Variants in C14orf39 observed in about 807,000 individuals in gnomAD.
C14orf39 encodes protein SIX6OS1.
In C14orf39, 66 loss-of-function variants were observed where a neutral mutation model predicts 85.6. The observed-to-expected ratio is 0.77, with a 90% CI of 0.63 to 0.95. The LOEUF is 0.95. Among genes scored for constraint, C14orf39 ranks in the 40% least tolerant of loss-of-function variants. C14orf39 has a pLI of 0.00. For missense variants in C14orf39, 735 were observed against 663.9 expected (o/e 1.11, Z -1.18); for synonymous variants, 242 against 214.0 (o/e 1.13, Z -1.14).
intron 2 of C14orf39, chr14:60,495,287 C>A: frequency 4.5e-6 from 1 of 220,900 alleles, no homozygotes; most frequent in South Asian, 7.9e-5. Flanking sequence ...GTCTCTGACC[C>A]TGGCTCATGG....
chr14:60,471,524 T>C, intron 6 of C14orf39, 28 bp downstream of exon 6: 2 of 1,571,884 alleles, frequency 1.3e-6, no homozygotes, highest in Non-Finnish European at 1.7e-6. Flanking sequence ...ATATCATAAT[T>C]AAAACAATAT....
At position 60,461,368 on chromosome 14, in the gene C14orf39, T is replaced by C. The variant is rs1320085398; in HGVS notation, c.1103A>G (p.Glu368Gly). The change falls in exon 13 of 18, where the codon GAA (glutamate) becomes GGA (glycine). Residue 368 changes from glutamate to glycine, a missense_variant. Glu to Gly is a moderately conservative substitution (Grantham distance 98, BLOSUM62 -2). Coordinates refer to ENST00000321731, the MANE Select transcript of C14orf39 (RefSeq NM_174978.3). ...ACGGCAAATACCTTTATCCCCTTTT[T>C]CCGACCACTGATTGGAATTTGATTG... is the stretch of plus-strand genomic sequence containing the variant. Reference protein sequence around the residue: ...QKQSNSNQWSEKGDKDAEYGD... With the variant: ...QKQSNSNQWSGKGDKDAEYGD... 2 of 1,611,026 alleles carry C rather than the reference T, an allele frequency of 1.2e-6. No individual in the cohort carries two copies. The highest frequency in any genetic ancestry group is 2.7e-5 in the African/African-American group (2 of 74,826).
chr14:60,493,519 G>T (rs1893023417), intron 2 of C14orf39, among the ~76,000 whole-genome samples: 1 of 152,114 alleles, frequency 6.6e-6, no homozygotes, highest in African/African-American at 2.4e-5. Context: ...CACTCTAGGG[G>T]TACAAAGTTT....
intron 16 of C14orf39, among the ~76,000 whole-genome samples, chr14:60,451,107 T>C (rs1891012845): frequency 6.6e-6 from 1 of 151,928 alleles, no homozygotes; most frequent in Non-Finnish European, 1.5e-5. Flanking sequence ...ACTCACCAAA[T>C]GAACTAGAAA....
chr14:60,436,978 T>C lies in C14orf39; in HGVS notation c.1631A>G (p.His544Arg), dbSNP rs752830710. 10 of 1,612,974 alleles carry C rather than the reference T, an allele frequency of 6.2e-6. No homozygotes were observed. The South Asian group carries it at 7.7e-5, about 12-fold the overall frequency. ...ATCATCTTTTCCAGCTCCAAATGTATGAGTTGAAGTGTCTGATGGAAAAGA... is the reference window on the plus strand; with the variant it reads ...ATCATCTTTTCCAGCTCCAAATGTACGAGTTGAAGTGTCTGATGGAAAAGA... ...TFSFPSDTST[H>R]TFGAGKDDFS... Residue 544 changes from histidine to arginine, a missense_variant, in exon 18 of 18, where the codon CAT becomes CGT. Transcript: ENST00000321731.
upstream of C14orf39, among the ~76,000 whole-genome samples, chr14:60,490,661 T>G (rs1892976793): frequency 6.6e-6 from 1 of 152,044 alleles, no homozygotes; most frequent in East Asian, 1.9e-4. Context: ...TTAAAAATGT[T>G]ACTGTGTAAC....
intron 5 of C14orf39, among the ~76,000 whole-genome samples, chr14:60,476,323 G>A (rs947445934): frequency 2.0e-5 from 3 of 152,102 alleles, no homozygotes; most frequent in African/African-American, 7.2e-5. Context: ...AGAAACTCTG[G>A]CAGAGCCTAG....
At chr14:60,475,084 T>C (rs1282668485) in intron 5 of C14orf39, among the ~76,000 whole-genome samples, 1 of 152,188 alleles carries the variant, frequency 6.6e-6, no homozygotes, top group Non-Finnish European at 1.5e-5. Context: ...CAGAGCCTGT[T>C]ATTGGTCTAT....
At position 60,509,252 on chromosome 14, in the gene C14orf39, T is replaced by C. The variant is rs551864637; in HGVS notation, c.-144+6143A>G. ...AGTCGGGGTCGTCCGCTCCCGGCCG[T>C]TGAGCCACCGCCGCCACCCGGTAGT... On this transcript the variant is annotated intron_variant, in intron 1 of 5. Coordinates refer to the C14orf39 transcript ENST00000556799. The C allele has an allele frequency of 1.5e-3, 1,093 of 714,570 alleles. 8 individuals are homozygous for C. In the African/African-American group the frequency reaches 0.016, roughly 11 times the overall value. The allele number at this position is 714,570 out of a possible 1,614,324, so 44.3% of individuals were successfully genotyped here. A position where few individuals can be genotyped will look rare whatever the true frequency, so the allele number is the denominator to read the frequency against.
At chr14:60,452,694 A>G (rs1891093104) in intron 16 of C14orf39, among the ~76,000 whole-genome samples, 1 of 152,130 alleles carries the variant, frequency 6.6e-6, no homozygotes, top group Non-Finnish European at 1.5e-5. Flanking sequence ...GAGGGGATGG[A>G]TACTCTCCCT....
chr14:60,488,732 T>G (rs117259969), upstream of C14orf39, among the ~76,000 whole-genome samples: 2,747 of 152,318 alleles, frequency 0.018, 45 homozygotes, highest in Non-Finnish European at 0.023. Context: ...ACCTTTTCAA[T>G]TTAACTACTA....
chr14:60,511,205 AC>A, intron 1 of C14orf39: 1 of 1,613,246 alleles, frequency 6.2e-7, no homozygotes, highest in Non-Finnish European at 8.5e-7. Flanking sequence ...CAAGGCGGCC[AC>A]TTCAGCCATC....
At chr14:60,500,020 C>A (rs558269190) in intron 1 of C14orf39, among the ~76,000 whole-genome samples, 2 of 152,086 alleles carry the variant, frequency 1.3e-5, no homozygotes, top group African/African-American at 4.8e-5. Flanking sequence ...GGGACTAGCA[C>A]TCCTTTTTTA....
intron 4 of C14orf39, among the ~76,000 whole-genome samples, chr14:60,480,342 A>C (rs2140151869): frequency 6.6e-6 from 1 of 152,284 alleles, no homozygotes; most frequent in East Asian, 1.9e-4. Flanking sequence ...GAATCACTTG[A>C]ACCCAGGAGG....
chr14:60,472,557 C>G (rs566780126), intron 5 of C14orf39, among the ~76,000 whole-genome samples: 4 of 152,150 alleles, frequency 2.6e-5, no homozygotes, highest in Non-Finnish European at 4.4e-5. Flanking sequence ...CCTCCTACCC[C>G]CTCCCCACAA....
chr14:60,437,164 C>G, intron 17 of C14orf39, 117 bp from the exon 18 acceptor site: 1 of 665,478 alleles, frequency 1.5e-6, no homozygotes. Context: ...CAGTGTTACA[C>G]AGGAATACAG....
At chr14:60,509,575 C>T (rs775430989) in intron 1 of C14orf39, 2 of 1,612,772 alleles carry the variant, frequency 1.2e-6, no homozygotes, top group East Asian at 2.2e-5. Flanking sequence ...CACGAGCCAT[C>T]GTGGCCTTTC....
intron 5 of C14orf39, among the ~76,000 whole-genome samples, chr14:60,477,807 G>C (rs898613692): frequency 6.6e-6 from 1 of 152,020 alleles, no homozygotes; most frequent in Admixed American, 6.6e-5. Flanking sequence ...AATATATCTA[G>C]GATTAGAGAG....
intron 16 of C14orf39, among the ~76,000 whole-genome samples, chr14:60,447,590 C>T (rs1250316694): frequency 1.3e-5 from 2 of 151,988 alleles, no homozygotes; most frequent in Non-Finnish European, 2.9e-5. Flanking sequence ...GATAGAAAGA[C>T]TCAATATCGT....
Sources: allele counts gnomAD v4.1 joint callset (sites outside exome capture counted in the v4.1 genomes callset), GRCh38; gene constraint gnomAD v4.1.1; transcripts MANE v1.5; gene names NCBI Gene and HGNC (gene_info 2026-07-23, HGNC 2026-07-21).